The following SCN2A variants were observed in gnomAD, a reference collection of about 807,000 sequenced individuals.
The protein encoded by SCN2A is sodium channel protein type 2 subunit alpha.
SCN2A carries 20 observed loss-of-function variants against 188.7 expected under a neutral mutation model. The observed-to-expected ratio is 0.11, with a 90% confidence interval of 0.07 to 0.15. The LOEUF (loss-of-function observed/expected upper bound fraction) is 0.15. SCN2A is among the 10% of genes least tolerant of loss of function. The probability of loss-of-function intolerance (pLI) is 1.00; values close to 1 mark genes in which losing one functional copy is unlikely to be tolerated. For synonymous variants in SCN2A, 804 were observed against 833.1 expected (o/e 0.97, Z 0.60); for missense variants, 1,278 against 2,445.0 (o/e 0.52, Z 10.07).
Position 165,342,498 on chromosome 2 carries a change from G to A in SCN2A, c.2562+29G>A, listed in dbSNP as rs371984892. On this transcript the variant is annotated intron_variant, in intron 15 of 26. Transcript: ENST00000375437. ...AATTAACTGGGAGTGTTCATAAAATGTACTTTGTAATTAATTAGTCTTCAT... is the reference window on the plus strand; with the variant it reads ...AATTAACTGGGAGTGTTCATAAAATATACTTTGTAATTAATTAGTCTTCAT... The A allele has an allele frequency of 1.1e-5, 18 of 1,610,366 alleles. No homozygotes were observed. The African/African-American group carries it at 1.7e-4, about 16-fold the overall frequency.
chr2:165,324,977 T>G (rs976630084), intron 12 of SCN2A, among the ~76,000 whole-genome samples: 4 of 152,220 alleles, frequency 2.6e-5, no homozygotes, highest in Non-Finnish European at 4.4e-5. Flanking sequence ...TTCTTAAAAC[T>G]AGAGATTCCT....
chr2:165,377,089 T>C (rs1406850799), intron 22 of SCN2A, among the ~76,000 whole-genome samples: 1 of 152,054 alleles, frequency 6.6e-6, no homozygotes, highest in East Asian at 1.9e-4. Flanking sequence ...CTTCCTCTTA[T>C]AGAGTAATCA....
intron 3 of SCN2A, among the ~76,000 whole-genome samples, chr2:165,299,215 A>G (rs1013115727): frequency 6.6e-6 from 1 of 152,148 alleles, no homozygotes; most frequent in South Asian, 2.1e-4. Context: ...ATCAGAGAAT[A>G]TGAGTACTAA....
rs547095921 is a variant in SCN2A, at chr2:165,389,320, G to A, written c.5514G>A (p.Gln1838=). The stretch of plus-strand genomic sequence containing the variant: ...TCATAGCAAAACCCAACAAAGTCCA[G>A]CTCATTGCCATGGATCTGCCCATGG... ...PLLIAKPNKV[Q]LIAMDLPMVS... The change falls in exon 27 of 27, where the codon CAG becomes CAA. Residue 1838 remains glutamine, a synonymous_variant. Transcript: ENST00000375437. The surrounding 1 kb of genome is among the most constrained non-coding windows in gnomAD (Gnocchi z 4.2). The A allele has an allele frequency of 6.2e-7, 1 of 1,614,066 alleles. No homozygotes were observed. The highest frequency in any genetic ancestry group is 8.5e-7 in the Non-Finnish European group (1 of 1,179,998).
chr2:165,389,784 A>G lies in SCN2A; in HGVS notation c.5978A>G (p.Lys1993Arg), dbSNP rs778621968. Residue 1993 changes from lysine to arginine, a missense_variant, in exon 27 of 27, where the codon AAG becomes AGG. Coordinates refer to ENST00000375437, the MANE Select transcript of SCN2A (RefSeq NM_001040142.2). This position sits in a 1 kb window ranked among gnomAD's most constrained non-coding sequence, Gnocchi z 4.2. ...KEKFEKDKSE[K>R]EDKGKDIRES... is the part of the protein sequence containing the mutation. Reference sequence around the variant, plus strand: ...AAATTTGAAAAAGACAAATCAGAAAAGGAAGACAAAGGGAAAGATATCAGG... The same window carrying G: ...AAATTTGAAAAAGACAAATCAGAAAGGGAAGACAAAGGGAAAGATATCAGG... The G allele has an allele frequency of 6.2e-7, 1 of 1,612,598 alleles. No individual in the cohort carries two copies. Among genetic ancestry groups the G allele is most frequent in the South Asian group, 1.1e-5 (1 of 90,868 alleles).
At chr2:165,387,228 G>A (rs1315569657) in intron 26 of SCN2A, among the ~76,000 whole-genome samples, 1 of 152,060 alleles carries the variant, frequency 6.6e-6, no homozygotes, top group African/African-American at 2.4e-5. Context: ...TATATTTTCA[G>A]CTTTCATTTA....
intron 1 of SCN2A, among the ~76,000 whole-genome samples, chr2:165,282,125 C>T (rs927327593): frequency 2.0e-5 from 3 of 152,148 alleles, no homozygotes; most frequent in Non-Finnish European, 4.4e-5. Context: ...ATCACAAGCT[C>T]AGGTCAAGTT....
intron 14 of SCN2A, 109 bp downstream of exon 14, chr2:165,331,677 T>C: frequency 1.1e-6 from 1 of 881,258 alleles, no homozygotes; most frequent in Non-Finnish European, 1.9e-6. Flanking sequence ...CATGTATATC[T>C]TGACATCAAA....
intron 1 of SCN2A, among the ~76,000 whole-genome samples, chr2:165,256,480 G>A (rs1011347870): frequency 8.5e-5 from 13 of 152,080 alleles, no homozygotes; most frequent in African/African-American, 3.1e-4. Context: ...TTTGCACCAT[G>A]TATATCTTTA....
intron 25 of SCN2A, among the ~76,000 whole-genome samples, chr2:165,381,566 C>G (rs182999668): frequency 2.0e-5 from 3 of 151,884 alleles, no homozygotes; most frequent in Non-Finnish European, 4.4e-5. Context: ...GGAGACAGAT[C>G]GGAATAATTG....
At chr2:165,300,858 G>A (rs917680401) in intron 3 of SCN2A, among the ~76,000 whole-genome samples, 1 of 152,116 alleles carries the variant, frequency 6.6e-6, no homozygotes, top group South Asian at 2.1e-4. Flanking sequence ...ATATTTAAAA[G>A]ATCACTCTGG....
At chr2:165,384,624 A>T (rs1701773016) in intron 25 of SCN2A, among the ~76,000 whole-genome samples, 1 of 152,148 alleles carries the variant, frequency 6.6e-6, no homozygotes, top group Non-Finnish European at 1.5e-5. Context: ...GAAAAATGAT[A>T]CTGCTCCTGC....
chr2:165,362,664 G>A (rs1342379982), intron 17 of SCN2A, among the ~76,000 whole-genome samples: 1 of 151,990 alleles, frequency 6.6e-6, no homozygotes, highest in Non-Finnish European at 1.5e-5. Context: ...GAGTACATGT[G>A]TATTATTCAT....
intron 3 of SCN2A, among the ~76,000 whole-genome samples, chr2:165,300,858 G>T (rs917680401): frequency 6.6e-6 from 1 of 152,116 alleles, no homozygotes; most frequent in South Asian, 2.1e-4. Flanking sequence ...ATATTTAAAA[G>T]ATCACTCTGG....
At chr2:165,284,816 C>G (rs1335681647) in intron 1 of SCN2A, among the ~76,000 whole-genome samples, 2 of 152,210 alleles carry the variant, frequency 1.3e-5, no homozygotes, top group Non-Finnish European at 2.9e-5. Context: ...CAAAACCAAA[C>G]TACTATGTAA....
In SCN2A at chr2:165,323,519, G is replaced by T; in HGVS notation, c.2016+19G>T. The stretch of plus-strand genomic sequence containing the variant: ...ACCAGAGGTGAGGCCAATTAAAATT[G>T]CAGCTGATGTGAAGAGAGTTGTGAC... On this transcript the variant is annotated intron_variant, in intron 12 of 26. Coordinates refer to ENST00000375437, the MANE Select transcript of SCN2A (RefSeq NM_001040142.2). 6.3e-7 allele frequency: 1 copy of T among 1,596,052 alleles called. No individual in the cohort carries two copies. The highest frequency in any genetic ancestry group is 1.3e-5 in the African/African-American group (1 of 74,598).
At chr2:165,267,595 G>T (rs1196473244) in intron 1 of SCN2A, 1 of 151,632 alleles carries the variant, frequency 6.6e-6, no homozygotes, top group Non-Finnish European at 1.5e-5. Flanking sequence ...ATGATTTTTT[G>T]AATCTGACCC....
intron 10 of SCN2A, among the ~76,000 whole-genome samples, chr2:165,314,946 ACT>A (rs374547947): frequency 6.6e-6 from 1 of 152,090 alleles, no homozygotes; most frequent in South Asian, 2.1e-4. Context: ...TCAAATAAAC[ACT>A]CTGTATTATG....
At chr2:165,284,916 T>C (rs1435570590) in intron 1 of SCN2A, among the ~76,000 whole-genome samples, 1 of 152,208 alleles carries the variant, frequency 6.6e-6, no homozygotes, top group African/African-American at 2.4e-5. Context: ...TTAATACATC[T>C]GAAGATTTTA....
Sources: gnomAD v4.1 joint callset for allele counts (sites outside exome capture counted in the v4.1 genomes callset) on GRCh38, gnomAD v4.1.1 for gene constraint, Gnocchi (gnomAD v3.1) non-coding constraint, MANE v1.5 for transcripts, NCBI Gene and HGNC (gene_info 2026-07-23, HGNC 2026-07-21) for gene names.